Variants in ENGASE observed in about 807,000 individuals in gnomAD.
ENGASE encodes endo-beta-N-acetylglucosaminidase, also known as cytosolic endo-beta-N-acetylglucosaminidase.
ENGASE carries 69 observed loss-of-function variants against 78.5 expected under a neutral mutation model. The ratio of observed to expected loss-of-function variants is 0.88; its 90% confidence interval spans 0.72 to 1.07. ENGASE has a LOEUF of 1.07. Ranked by LOEUF, ENGASE falls within the 50% of genes least tolerant of loss-of-function variation. ENGASE has a pLI of 0.00. For synonymous variants in ENGASE, 408 were observed against 408.9 expected, an observed-to-expected ratio of 1.00 and a Z score of 0.03; for missense variants, 943 against 988.4, an observed-to-expected ratio of 0.95 and a Z score of 0.62.
At position 79,085,606 on chromosome 17, in the gene ENGASE, CTTTCGCCCCGTA is replaced by C; in HGVS notation, c.1701-13_1701-2del. 6.2e-7 allele frequency: 1 copy of C among 1,613,034 alleles called. No homozygotes were observed. Among genetic ancestry groups the C allele is most frequent in the Non-Finnish European group, 8.5e-7 (1 of 1,179,936 alleles). ...GGCTGAGCCCGGCCAGTGATCAGCC[CTTTCGCCCCGTA>C]GCTGCTACGAGGTGAGCCTGCGTGG... On this transcript the variant is annotated splice_acceptor_variant and splice_polypyrimidine_tract_variant and intron_variant, in intron 12 of 13. Transcript: ENST00000579016. LOFTEE classifies it high-confidence loss of function.
In ENGASE at chr17:79,083,895, C is replaced by T. The variant is rs768351720; in HGVS notation, c.1386C>T (p.Gly462=). 10 of 1,612,062 alleles carry T rather than the reference C, an allele frequency of 6.2e-6. No homozygotes were observed. The Admixed American group carries it at 1.3e-4, about 22-fold the overall frequency. The change falls in exon 10 of 14, where the codon GGC becomes GGT. Residue 462 remains glycine (G), a synonymous_variant. Transcript: ENST00000579016. The surrounding 1 kb of genome is among the most constrained non-coding windows in gnomAD (Gnocchi z 4.9). ...GCCTGGAGGATGCCTGGCACGGAGG[C>T]AGCTCCCTGCTCGTCCGGGGTGTGA... The part of the protein sequence containing the change: ...HCCLEDAWHG[G]SSLLVRGVIP...
chr17:79,075,180 A>C, intron 1 of ENGASE, 90 bp downstream of exon 1: 1 of 1,172,384 alleles, frequency 8.5e-7, no homozygotes, highest in Non-Finnish European at 1.1e-6. Flanking sequence ...GGGCGCGCCG[A>C]GGGGCGGGGG....
rs2073395702 is a variant in ENGASE at position 79,088,395 on chromosome 17, A to G, written c.*2046A>G. The G allele has an allele frequency of 6.6e-6, 1 of 152,074 alleles. No individual in the cohort carries two copies. The highest frequency in any genetic ancestry group is 6.5e-5 in the Admixed American group (1 of 15,284). The allele number at this position is 152,074 out of a possible 1,614,324, so 9.4% of individuals were successfully genotyped here. A position where few individuals can be genotyped will look rare whatever the true frequency, so the allele number is the denominator to read the frequency against. ...GGAGGGAAAATTTATAGTGGCAATT[A>G]TTTTCTCACAGTCTGGTGAGCAGGC... On this transcript the variant is annotated 3_prime_UTR_variant, in exon 14 of 14. Coordinates refer to ENST00000579016, the MANE Select transcript of ENGASE (RefSeq NM_001042573.3).
At position 79,085,742 on chromosome 17, in the gene ENGASE, T is replaced by A. The variant is rs763277374; in HGVS notation, c.1815+8T>A. 1 of 1,613,064 alleles carries A rather than the reference T, an allele frequency of 6.2e-7. No homozygotes were observed. The highest frequency in any genetic ancestry group is 1.7e-5 in the Admixed American group (1 of 59,970). The stretch of plus-strand genomic sequence containing the variant: ...CGGCTTGGAGAGATCCAGGTGATGC[T>A]TCCCAGAGGGGCTCGGGCTGGGCTG... On this transcript the variant is annotated splice_region_variant and intron_variant, in intron 13 of 13. Coordinates refer to ENST00000579016, the MANE Select transcript of ENGASE (RefSeq NM_001042573.3).
chr17:79,082,352 G>A, intron 7 of ENGASE: 3 of 1,316,508 alleles, frequency 2.3e-6, no homozygotes, highest in South Asian at 1.5e-5. Context: ...GCGGGCCTGG[G>A]CCTCCTGTCC....
Position 79,077,848 on chromosome 17 carries a change from G to A in ENGASE, c.400G>A (p.Gly134Arg), listed in dbSNP as rs765389428. 11 of 1,613,480 alleles carry A rather than the reference G, an allele frequency of 6.8e-6. No individual in the cohort carries two copies. The South Asian group carries it at 8.8e-5, about 13-fold the overall frequency. The part of the protein sequence containing the change: ...RTLLCHDMMG[G>R]YLDDRFIQGS... ...TTTGTTGTGTCATGACATGATGGGCGGGTACCTGGATGACAGGTGAGGACC... is the reference window on the plus strand; with the variant it reads ...TTTGTTGTGTCATGACATGATGGGCAGGTACCTGGATGACAGGTGAGGACC... Residue 134 changes from glycine to arginine, a missense_variant, in exon 3 of 14, where the codon GGG becomes AGG. Transcript: ENST00000579016.
At chr17:79,082,555 C>T in intron 7 of ENGASE, 3 of 1,224,184 alleles carry the variant, frequency 2.5e-6, no homozygotes, top group Non-Finnish European at 3.1e-6. Flanking sequence ...CGGGGCCAGG[C>T]CGGTGCCCCT....
chr17:79,077,677 A>G lies in ENGASE; in HGVS notation c.229A>G (p.Lys77Glu). The change falls in exon 3 of 14, where the codon AAG becomes GAG. Residue 77 changes from lysine to glutamate, a missense_variant. Lys to Glu is a moderately conservative substitution (Grantham distance 56). Transcript: ENST00000579016. ...PDPLPVRYYD[K>E]DTTKPISFYL... ...CCTCGGACCAGTTAGATATTATGACAAGGACACCACCAAACCAATCAGCTT... is the reference window on the plus strand; with the variant it reads ...CCTCGGACCAGTTAGATATTATGACGAGGACACCACCAAACCAATCAGCTT... 1 of 1,614,212 alleles carries G rather than the reference A, an allele frequency of 6.2e-7. No homozygotes were observed. Among genetic ancestry groups the G allele is most frequent in the Non-Finnish European group, 8.5e-7 (1 of 1,180,036 alleles).
At chr17:79,085,787 T>TG in intron 13 of ENGASE, 53 bp downstream of exon 13, 1 of 1,604,098 alleles carries the variant, frequency 6.2e-7, no homozygotes, top group Admixed American at 1.7e-5. Context: ...CCAGCTGGAG[T>TG]GGGGGTGGAG....
rs1007929845 is a variant in ENGASE, at chr17:79,086,263, C to G, written c.2146C>G (p.Leu716Val). The change falls in exon 14 of 14, where the codon CTG becomes GTG. Residue 716 changes from leucine to valine, a missense_variant. Leu to Val is a conservative substitution (Grantham distance 32, BLOSUM62 1). Coordinates refer to ENST00000579016, the MANE Select transcript of ENGASE (RefSeq NM_001042573.3). ...CGGCCAGGATCGTCGCATGGAATTT[C>G]TGGTGGAGCCTGTCCCCAAGGAAGG... ...GPGQDRRMEF[L>V]VEPVPKEGFR... The G allele has an allele frequency of 6.2e-7, 1 of 1,613,516 alleles. No homozygotes were observed. Among genetic ancestry groups the G allele is most frequent in the Non-Finnish European group, 8.5e-7 (1 of 1,180,042 alleles).
intron 1 of ENGASE, 88 bp downstream of exon 1, chr17:79,075,178 C>CGCG: frequency 8.5e-6 from 10 of 1,172,600 alleles, no homozygotes; most frequent in Non-Finnish European, 8.5e-6. Flanking sequence ...ACGGGCGCGC[C>CGCG]GAGGGGCGGG....
chr17:79,080,790 G>A, intron 5 of ENGASE, 135 bp from the exon 6 acceptor site: 1 of 1,202,074 alleles, frequency 8.3e-7, no homozygotes, highest in Non-Finnish European at 1.1e-6. Context: ...CTGTGGCGGG[G>A]AGGGCCTTTC....
intron 11 of ENGASE, among the ~76,000 whole-genome samples, 183 bp from the exon 12 acceptor site, chr17:79,085,051 C>A (rs1326612667): frequency 1.3e-5 from 2 of 152,080 alleles, no homozygotes; most frequent in Non-Finnish European, 2.9e-5. Flanking sequence ...GCGCGGCTGA[C>A]CCCAGACACG....
chr17:79,083,887 C>A lies in ENGASE; in HGVS notation c.1378C>A (p.His460Asn). ...RTHCCLEDAW[H>N]GGSSLLVRGV... ...GCACTGCTGCCTGGAGGATGCCTGG[C>A]ACGGAGGCAGCTCCCTGCTCGTCCG... The change falls in exon 10 of 14, where the codon CAC becomes AAC. Residue 460 changes from histidine to asparagine, a missense_variant. Coordinates refer to ENST00000579016, the MANE Select transcript of ENGASE (RefSeq NM_001042573.3). The surrounding 1 kb of genome is among the most constrained non-coding windows in gnomAD (Gnocchi z 4.9). 6.2e-7 allele frequency: 1 copy of A among 1,612,308 alleles called. No individual in the cohort carries two copies. Among genetic ancestry groups the A allele is most frequent in the Non-Finnish European group, 8.5e-7 (1 of 1,179,850 alleles).
rs184212225 is a variant in ENGASE, at chr17:79,082,908, T to A, written c.1039-112T>A. Reference sequence around the variant, plus strand: ...TCTAGGAGGGAGGGGTTGGACAGCTTCCCCCTCCCGTTTCTGAGCTGCCCT... The same window carrying A: ...TCTAGGAGGGAGGGGTTGGACAGCTACCCCCTCCCGTTTCTGAGCTGCCCT... On this transcript the variant is annotated intron_variant, in intron 7 of 13. Transcript: ENST00000579016. The A allele has an allele frequency of 2.2e-4, 352 of 1,568,796 alleles. 2 individuals are homozygous for A. The African/African-American group carries it at 3.9e-3, about 17-fold the overall frequency.
intron 1 of ENGASE, 23 bp from the exon 2 acceptor site, chr17:79,077,407 T>G: frequency 1.9e-6 from 3 of 1,595,952 alleles, no homozygotes; most frequent in Non-Finnish European, 2.6e-6. Flanking sequence ...TATTTATAAA[T>G]GTACAACTCC....
chr17:79,078,478 G>C lies in ENGASE; in HGVS notation c.416+614G>C. 1.3e-5 allele frequency among the ~76,000 whole-genome samples: 2 copies of C among 152,266 alleles called. 1 individual carries two copies. The highest frequency in any genetic ancestry group is 4.1e-4 in the South Asian group (2 of 4,828). ...TTGGAGGGAGCACAGCAGGCAGGGG[G>C]TCCTCTTCGGCTGCCTGTCCGCAGC... On this transcript the variant is annotated intron_variant, in intron 3 of 13. Transcript: ENST00000579016.
chr17:79,077,721 G>A lies in ENGASE; in HGVS notation c.273G>A (p.Glu91=), dbSNP rs749133379. The part of the protein sequence containing the change: ...KPISFYLSSL[E]ELLAWKPRLE... ...TCAGCTTTTACTTGTCTTCGCTGGA[G>A]GAGCTCTTGGCGTGGAAGCCCCGCT... The change falls in exon 3 of 14, where the codon GAG becomes GAA. Residue 91 remains glutamate, a synonymous_variant. Coordinates refer to ENST00000579016, the MANE Select transcript of ENGASE (RefSeq NM_001042573.3). The A allele has an allele frequency of 6.2e-7, 1 of 1,614,198 alleles. No homozygotes were observed. The highest frequency in any genetic ancestry group is 8.5e-7 in the Non-Finnish European group (1 of 1,180,044).
rs771579537 is a variant in ENGASE, at chr17:79,083,067, C to T, written c.1086C>T (p.Ala362=). The change falls in exon 8 of 14, where the codon GCC becomes GCT. Residue 362 remains alanine, a synonymous_variant. Transcript: ENST00000579016. This position sits in a 1 kb window ranked among gnomAD's most constrained non-coding sequence, Gnocchi z 4.9. ...ATGGCTTCTCCGTGGCTTTGTTTGC[C>T]CCCGGCTGGGTGTATGAGTGTCTGG... ...RKHGFSVALF[A]PGWVYECLEK... is the part of the protein sequence containing the mutation. 20 of 1,614,052 alleles carry T rather than the reference C, an allele frequency of 1.2e-5. No individual in the cohort carries two copies. Among genetic ancestry groups the T allele is most frequent in the Non-Finnish European group, 1.6e-5 (19 of 1,179,984 alleles).
Sources: gnomAD v4.1 joint callset for allele counts (sites outside exome capture counted in the v4.1 genomes callset) on GRCh38, gnomAD v4.1.1 for gene constraint, Gnocchi (gnomAD v3.1) non-coding constraint, MANE v1.5 for transcripts, NCBI Gene and HGNC (gene_info 2026-07-23, HGNC 2026-07-21) for gene names.